PRRC2C: variants seen among roughly 807,000 people sequenced by gnomAD.
The protein encoded by PRRC2C is protein PRRC2C.
PRRC2C carries 72 observed loss-of-function variants against 317.2 expected under a neutral mutation model. The ratio of observed to expected loss-of-function variants is 0.23; its 90% CI spans 0.19 to 0.28. The LOEUF is 0.28. PRRC2C is among the 10% of genes least tolerant of loss of function. The probability of loss-of-function intolerance (pLI) is 1.00; values close to 1 mark genes in which losing one functional copy is unlikely to be tolerated. For synonymous variants in PRRC2C, 1,296 were observed against 1,205.9 expected (o/e 1.07, Z -1.55); for missense variants, 3,074 against 3,459.7 (o/e 0.89, Z 2.80).
intron 12 of PRRC2C, 35 bp from the exon 13 acceptor site, chr1:171,535,393 T>C (rs1193560439): frequency 6.3e-7 from 1 of 1,578,730 alleles, no homozygotes; most frequent in Non-Finnish European, 8.6e-7. Flanking sequence ...GTGTCATAGA[T>C]GAATACTATT....
rs761504756 is a variant in PRRC2C at position 171,523,510 on chromosome 1, A to G, written c.1043A>G (p.Lys348Arg). The G allele has an allele frequency of 6.2e-7, 1 of 1,609,506 alleles. No individual in the cohort carries two copies. Among genetic ancestry groups the G allele is most frequent in the Non-Finnish European group, 8.5e-7 (1 of 1,177,680 alleles). Residue 348 changes from lysine to arginine, a missense_variant, in exon 9 of 35, where the codon AAA becomes AGA. Lys to Arg is a conservative substitution (Grantham distance 26). This residue lies in a region of PRRC2C where 1,320 missense variants were observed against 1,395.7 expected (regional missense o/e 0.95). Transcript: ENST00000647382. ...DDDEQGSNSP[K>R]ENNSEDQGSK... Reference sequence around the variant, plus strand: ...GATGAACAAGGAAGTAACAGTCCTAAAGAGAATAACAGGTAAGTTGTGATA... The same window carrying G: ...GATGAACAAGGAAGTAACAGTCCTAGAGAGAATAACAGGTAAGTTGTGATA...
chr1:171,540,702 C>T lies in PRRC2C; in HGVS notation c.3236C>T (p.Pro1079Leu), dbSNP rs1353127783. The T allele has an allele frequency of 6.2e-7, 1 of 1,613,968 alleles. No individual in the cohort carries two copies. Among genetic ancestry groups the T allele is most frequent in the Non-Finnish European group, 8.5e-7 (1 of 1,179,884 alleles). The stretch of plus-strand genomic sequence containing the variant: ...GCACCAATTCAGCCACAGTCAGTTC[C>T]ACCACCAATTCAACCAGAAGCAGAG... ...PPAPIQPQSV[P>L]PPIQPEAEKF... The change falls in exon 16 of 35, where the codon CCA becomes CTA. Residue 1079 changes from proline (P) to leucine (L), a missense_variant. Transcript: ENST00000647382.
At chr1:171,546,283 A>G (rs1363645881) in intron 17 of PRRC2C, among the ~76,000 whole-genome samples, 4 of 152,250 alleles carry the variant, frequency 2.6e-5, no homozygotes, top group Admixed American at 2.6e-4. Flanking sequence ...GTACATGTAA[A>G]ATGTACTATT....
chr1:171,546,815 G>A (rs146653229), intron 17 of PRRC2C, among the ~76,000 whole-genome samples: 188 of 151,520 alleles, frequency 1.2e-3, no homozygotes, highest in African/African-American at 4.5e-3. Context: ...ATGGGTTTTC[G>A]CCATGTTGTC....
intron 11 of PRRC2C, among the ~76,000 whole-genome samples, chr1:171,531,759 C>G (rs562764908): frequency 2.0e-5 from 3 of 152,316 alleles, no homozygotes; most frequent in Admixed American, 1.3e-4. Flanking sequence ...TCTAGATACG[C>G]TTTTCTGGAT....
At chr1:171,559,519 T>G (rs1416110254) in intron 19 of PRRC2C, among the ~76,000 whole-genome samples, 5 of 131,508 alleles carry the variant, frequency 3.8e-5, no homozygotes, top group African/African-American at 9.3e-5. Context: ...GTTTTTTTTT[T>G]TTTTTTTTTT....
chr1:171,502,365 A>AT (rs1033463494), intron 1 of PRRC2C, among the ~76,000 whole-genome samples: 16 of 151,668 alleles, frequency 1.1e-4, no homozygotes, highest in South Asian at 8.4e-4. Flanking sequence ...TTGACATACA[A>AT]TTTTTTTTTA....
rs764598748 is a variant in PRRC2C, at chr1:171,579,454, A to G, written c.7260A>G (p.Pro2420=). ...TGGCTCAACAACAGGGTTTCCAACC[A>G]GGTCTCTCTCAGGTAATATCAAAGA... is the stretch of plus-strand genomic sequence containing the variant. The part of the protein sequence containing the change: ...PSLAQQQGFQ[P]GLSQPTSVQQ... The change falls in exon 27 of 35, where the codon CCA becomes CCG. Residue 2420 remains proline (P), a synonymous_variant. Coordinates refer to ENST00000647382, the MANE Select transcript of PRRC2C (RefSeq NM_001387844.1). The G allele has an allele frequency of 6.2e-7, 1 of 1,613,616 alleles. No homozygotes were observed. The highest frequency in any genetic ancestry group is 1.3e-5 in the African/African-American group (1 of 75,068).
In PRRC2C at chr1:171,592,544, T is replaced by G. The variant is rs1326361386; in HGVS notation, c.*697T>G. On this transcript the variant is annotated 3_prime_UTR_variant, in exon 35 of 35. Transcript: ENST00000647382. ...CTTCTATTTGAAATGGTGCTGTGTT[T>G]TGGTTGTGGTCTGAAGCTTTGAAGC... is the stretch of plus-strand genomic sequence containing the variant. 6.6e-6 allele frequency: 1 copy of G among 152,186 alleles called. No homozygotes were observed. Among genetic ancestry groups the G allele is most frequent in the Non-Finnish European group, 1.5e-5 (1 of 68,024 alleles). 9.4% of individuals were successfully genotyped at this position (152,186 alleles called of 1,614,324 possible). A position where few individuals can be genotyped will look rare whatever the true frequency, so the allele number is the denominator to read the frequency against.
chr1:171,592,802 C>T lies in PRRC2C; in HGVS notation c.*955C>T, dbSNP rs1651676962. ...AATTAAAGGAAATCCTAAGAAGGTG[C>T]ATTTCTTTACAGAGCTGTGTCATGC... On this transcript the variant is annotated 3_prime_UTR_variant, in exon 35 of 35. Transcript: ENST00000647382. 2.0e-5 allele frequency: 3 copies of T among 152,116 alleles called. No homozygotes were observed. Among genetic ancestry groups the T allele is most frequent in the Admixed American group, 2.0e-4 (3 of 15,282 alleles). 9.4% of individuals were successfully genotyped at this position (152,116 alleles called of 1,614,324 possible). A position where few individuals can be genotyped will look rare whatever the true frequency, so the allele number is the denominator to read the frequency against.
At chr1:171,494,136 C>G (rs1220469903) in intron 1 of PRRC2C, among the ~76,000 whole-genome samples, 4 of 152,098 alleles carry the variant, frequency 2.6e-5, no homozygotes, top group Non-Finnish European at 5.9e-5. Context: ...AAAAGAATGC[C>G]CTGGCAATCA....
At position 171,537,407 on chromosome 1, in the gene PRRC2C, C is replaced by T; in HGVS notation, c.2438C>T (p.Pro813Leu). 6.3e-7 allele frequency: 1 copy of T among 1,589,912 alleles called. No individual in the cohort carries two copies. The highest frequency in any genetic ancestry group is 1.1e-5 in the South Asian group (1 of 87,072). The change falls in exon 15 of 35, where the codon CCC becomes CTC. Residue 813 changes from proline to leucine, a missense_variant. This residue lies in a region of PRRC2C where 1,320 missense variants were observed against 1,395.7 expected (regional missense o/e 0.95). Transcript: ENST00000647382. ...CCTCGTATGCTGTGGGGGTCAGATC[C>T]CTATCCTCATGCTGAGCCTCAACAA... Reference protein sequence around the residue: ...SEPRMLWGSDPYPHAEPQQAT... With the variant: ...SEPRMLWGSDLYPHAEPQQAT...
chr1:171,570,321 T>G (rs1328981660), intron 23 of PRRC2C, among the ~76,000 whole-genome samples: 1 of 152,224 alleles, frequency 6.6e-6, no homozygotes, highest in East Asian at 1.9e-4. Context: ...TACTTGAAAA[T>G]GGCTTATTTC....
chr1:171,523,948 A>G (rs1369290023), intron 9 of PRRC2C, among the ~76,000 whole-genome samples: 1 of 152,116 alleles, frequency 6.6e-6, no homozygotes, highest in African/African-American at 2.4e-5. Context: ...AGGCAGGAGA[A>G]TCACTTGAAT....
At chr1:171,493,560 C>T (rs558990557) in intron 1 of PRRC2C, among the ~76,000 whole-genome samples, 1 of 152,302 alleles carries the variant, frequency 6.6e-6, no homozygotes, top group African/African-American at 2.4e-5. Flanking sequence ...ATGGCTCACC[C>T]TGTAATCCCA....
At position 171,588,480 on chromosome 1, in the gene PRRC2C, C is replaced by A; in HGVS notation, c.8174C>A (p.Pro2725Gln). ...CCTGCCACTGTGAGAATGACACAAC[C>A]ATTTCCTACACAGTTTGCACCCCAG... ...SAPATVRMTQ[P>Q]FPTQFAPQIL... The change falls in exon 33 of 35, where the codon CCA (proline) becomes CAA (glutamine). Residue 2725 changes from proline to glutamine, a missense_variant. Physicochemically the swap from Pro to Gln is moderately conservative, Grantham distance 76. Transcript: ENST00000647382. The A allele has an allele frequency of 1.2e-6, 2 of 1,613,802 alleles. No homozygotes were observed. The highest frequency in any genetic ancestry group is 1.7e-6 in the Non-Finnish European group (2 of 1,179,774).
At chr1:171,590,247 A>C (rs1651133845) in intron 34 of PRRC2C, among the ~76,000 whole-genome samples, 2 of 152,178 alleles carry the variant, frequency 1.3e-5, no homozygotes, top group African/African-American at 4.8e-5. Flanking sequence ...TCAGAAAAGC[A>C]CTTTGGGATC....
chr1:171,577,634 G>A lies in PRRC2C; in HGVS notation c.7156G>A (p.Ala2386Thr), dbSNP rs1412859773. The change falls in exon 26 of 35, where the codon GCA becomes ACA. Residue 2386 changes from alanine (A) to threonine (T), a missense_variant. Coordinates refer to ENST00000647382, the MANE Select transcript of PRRC2C (RefSeq NM_001387844.1). ...GCAAGTTTATGTGTCTCAGTCTGCA[G>A]CAGGTAATGTTTTTAGGCTTGAATA... ...NPQVYVSQSA[A>T]AQIPAFYMDT... The A allele has an allele frequency of 6.2e-7, 1 of 1,611,302 alleles. No homozygotes were observed. Among genetic ancestry groups the A allele is most frequent in the Middle Eastern group, 1.7e-4 (1 of 6,056 alleles).
At chr1:171,587,523 T>TA in intron 31 of PRRC2C, 125 bp from the exon 32 acceptor site, 1 of 673,012 alleles carries the variant, frequency 1.5e-6, no homozygotes, top group Middle Eastern at 3.0e-4. Context: ...AGCCTAACTA[T>TA]AGGAGTTTTG....
Sources: gnomAD v4.1 joint callset for allele counts (sites outside exome capture counted in the v4.1 genomes callset) on GRCh38, gnomAD v4.1.1 for gene constraint, gnomAD v4.1.1 regional missense constraint, MANE v1.5 for transcripts, NCBI Gene and HGNC (gene_info 2026-07-23, HGNC 2026-07-21) for gene names.